NSUN7: variants seen among roughly 807,000 people sequenced by gnomAD.
NSUN7 encodes protein NSUN7.
NSUN7 carries 39 observed loss-of-function variants against 58.5 expected under a neutral mutation model. The observed-to-expected ratio is 0.67, with a 90% CI of 0.52 to 0.87. The LOEUF (loss-of-function observed/expected upper bound fraction) is 0.87. NSUN7 is among the 40% of genes least tolerant of loss of function. The pLI, the probability that NSUN7 is intolerant of heterozygous loss-of-function variation, is 0.00. For missense variants in NSUN7, 765 were observed against 844.1 expected (o/e 0.91, Z 1.16); for synonymous variants, 278 against 303.7 (o/e 0.92, Z 0.88).
intron 5 of NSUN7, 82 bp from the exon 6 acceptor site, chr4:40,774,684 TG>T (rs1328445510): frequency 1.1e-6 from 1 of 884,410 alleles, no homozygotes; most frequent in Non-Finnish European, 1.7e-6. Flanking sequence ...TATTTTTCTT[TG>T]TTACAGGAAA....
At chr4:40,791,196 T>C (rs1437248251) in intron 8 of NSUN7, among the ~76,000 whole-genome samples, 1 of 152,234 alleles carries the variant, frequency 6.6e-6, no homozygotes, top group African/African-American at 2.4e-5. Flanking sequence ...TAAATCATTA[T>C]CAGATTATTT....
intron 7 of NSUN7, among the ~76,000 whole-genome samples, chr4:40,783,307 G>C (rs536167365): frequency 2.0e-5 from 3 of 152,254 alleles, no homozygotes; most frequent in Non-Finnish European, 4.4e-5. Flanking sequence ...CAACGGGATA[G>C]GCACTTGGAA....
intron 4 of NSUN7, among the ~76,000 whole-genome samples, chr4:40,769,752 AAATAC>A (rs1741908947): frequency 2.6e-5 from 4 of 152,178 alleles, no homozygotes; most frequent in Non-Finnish European, 2.9e-5. Flanking sequence ...AATGCCCTTT[AAATAC>A]TTGTTCATGG....
intron 3 of NSUN7, 84 bp from the exon 4 acceptor site, chr4:40,761,087 A>G: frequency 1.8e-6 from 2 of 1,113,472 alleles, no homozygotes; most frequent in Non-Finnish European, 2.6e-6. Context: ...TGTTATGAAA[A>G]ATAATGGAAT....
At chr4:40,764,610 G>GGGTCAAATGGTATTTCTA (rs1279796718) in intron 4 of NSUN7, among the ~76,000 whole-genome samples, 21 of 152,132 alleles carry the variant, frequency 1.4e-4, no homozygotes, top group Non-Finnish European at 2.2e-4. Context: ...CGGGATAGCT[G>GGGTCAAATGGTATTTCTA]GGTCAAATGG....
intron 10 of NSUN7, among the ~76,000 whole-genome samples, chr4:40,805,685 C>G (rs1362663072): frequency 6.6e-6 from 1 of 152,146 alleles, no homozygotes; most frequent in Admixed American, 6.6e-5. Flanking sequence ...GTTCCGGAGG[C>G]TGGGAGTCCT....
chr4:40,757,242 A>G (rs1332723561), intron 2 of NSUN7, among the ~76,000 whole-genome samples: 2 of 152,050 alleles, frequency 1.3e-5, no homozygotes, highest in African/African-American at 4.8e-5. Flanking sequence ...AAATAAATAA[A>G]CAAATAAATA....
In NSUN7 at chr4:40,808,781, A is replaced by G; in HGVS notation, c.1999A>G (p.Arg667Gly). The stretch of plus-strand genomic sequence containing the variant: ...GCCATTTTCAAGTCCCCAAGGGATC[A>G]GATCTCGGATGCCAACTCAACATTT... ...FMPFSSPQGI[R>G]SRMPTQHLYC... The change falls in exon 12 of 12, where the codon AGA becomes GGA. Residue 667 changes from arginine to glycine, a missense_variant. Coordinates refer to ENST00000381782, the MANE Select transcript of NSUN7 (RefSeq NM_024677.6). 1 of 1,549,524 alleles carries G rather than the reference A, an allele frequency of 6.5e-7. No homozygotes were observed. The highest frequency in any genetic ancestry group is 8.7e-7 in the Non-Finnish European group (1 of 1,146,574).
chr4:40,808,517 A>AATC lies in NSUN7; in HGVS notation c.1736_1738dup (p.Asn579_Leu580insHis). Reference sequence around the variant, plus strand: ...GAATCGAGAAACTAAAGCCAGTGCTAATCTATCAGAGACTGTAACAAAACC... The same window carrying AATC: ...GAATCGAGAAACTAAAGCCAGTGCTAATCATCTATCAGAGACTGTAACAAAACC... On this transcript the variant is annotated inframe_insertion, in exon 12 of 12. Transcript: ENST00000381782. 1 of 1,553,262 alleles carries AATC rather than the reference A, an allele frequency of 6.4e-7. No homozygotes were observed. The highest frequency in any genetic ancestry group is 8.7e-7 in the Non-Finnish European group (1 of 1,147,508).
At chr4:40,777,259 G>C (rs145616080) in intron 7 of NSUN7, among the ~76,000 whole-genome samples, 3 of 152,322 alleles carry the variant, frequency 2.0e-5, no homozygotes, top group South Asian at 4.1e-4. Flanking sequence ...AGAAGCAAAA[G>C]TAAATTCCCT....
chr4:40,772,670 G>A (rs1174113966), intron 4 of NSUN7, among the ~76,000 whole-genome samples: 1 of 152,104 alleles, frequency 6.6e-6, no homozygotes, highest in African/African-American at 2.4e-5. Flanking sequence ...AAAAGAAGTA[G>A]GGATTTAACA....
rs1018778208 is a variant in NSUN7, at chr4:40,807,253, A to C, written c.1524+69A>C. The C allele has an allele frequency of 1.4e-4, 195 of 1,399,582 alleles. No homozygotes were observed. In the Middle Eastern group the frequency reaches 2.0e-3, roughly 15 times the overall value. The allele number at this position is 1,399,582 out of a possible 1,614,324, so 86.7% of individuals were successfully genotyped here. ...TAAACTACAAAGCCTCATAAGAGGA[A>C]GCCAGGAACTTTGCACATTCTGTAA... On this transcript the variant is annotated intron_variant, in intron 11 of 11. Transcript: ENST00000381782.
chr4:40,796,528 A>G (rs568510478), intron 9 of NSUN7, among the ~76,000 whole-genome samples: 2 of 151,860 alleles, frequency 1.3e-5, no homozygotes, highest in African/African-American at 4.8e-5. Flanking sequence ...TACTCGGGAG[A>G]CTGAAGTGGG....
At chr4:40,767,994 T>C (rs554352306) in intron 4 of NSUN7, among the ~76,000 whole-genome samples, 1 of 152,282 alleles carries the variant, frequency 6.6e-6, no homozygotes, top group East Asian at 1.9e-4. Context: ...GAAATTCGAT[T>C]GCCTCAGTGC....
At chr4:40,786,597 G>A (rs920609771) in intron 7 of NSUN7, 39 of 1,613,134 alleles carry the variant, frequency 2.4e-5, no homozygotes, top group Middle Eastern at 1.7e-4. Context: ...CAACTCCTTG[G>A]CATTTGCAGC....
rs187431901 is a variant in NSUN7, at chr4:40,757,122, G to A, written c.299-3312G>A. 3.7e-3 allele frequency among the ~76,000 whole-genome samples: 560 copies of A among 152,228 alleles called. 5 individuals carry two copies. The highest frequency in any genetic ancestry group is 0.01 in the Middle Eastern group (3 of 294). ...TGGGTGCCTGTAGTTCCAGCTACTCGGGAGGCTGAGTCAGGAGAATTGCTT... is the reference window on the plus strand; with the variant it reads ...TGGGTGCCTGTAGTTCCAGCTACTCAGGAGGCTGAGTCAGGAGAATTGCTT... On this transcript the variant is annotated intron_variant, in intron 2 of 11. Transcript: ENST00000381782.
intron 11 of NSUN7, among the ~76,000 whole-genome samples, chr4:40,807,658 T>C (rs1311406823): frequency 3.9e-5 from 6 of 152,120 alleles, no homozygotes; most frequent in Non-Finnish European, 8.8e-5. Context: ...CCCTGTTCTT[T>C]ATACTTCCCC....
At chr4:40,759,546 A>T (rs1475804189) in intron 2 of NSUN7, among the ~76,000 whole-genome samples, 1 of 152,192 alleles carries the variant, frequency 6.6e-6, no homozygotes, top group Non-Finnish European at 1.5e-5. Flanking sequence ...CATCACATCA[A>T]TGTCTTCACT....
At chr4:40,785,883 C>T (rs1742794417) in intron 7 of NSUN7, among the ~76,000 whole-genome samples, 1 of 152,244 alleles carries the variant, frequency 6.6e-6, no homozygotes, top group East Asian at 1.9e-4. Flanking sequence ...AAAATAGCAT[C>T]AAAGCTGGCG....
Sources: gnomAD v4.1 joint callset for allele counts (sites outside exome capture counted in the v4.1 genomes callset) on GRCh38, gnomAD v4.1.1 for gene constraint, MANE v1.5 for transcripts, NCBI Gene and HGNC (gene_info 2026-07-23, HGNC 2026-07-21) for gene names.